Variants in KAZN observed in about 807,000 individuals in gnomAD.
KAZN encodes the protein kazrin.
KAZN carries 40 observed loss-of-function variants against 87.4 expected under a neutral mutation model. The observed-to-expected ratio is 0.46, with a 90% CI of 0.36 to 0.60. KAZN has a LOEUF of 0.60. KAZN is among the 20% of genes least tolerant of loss of function. KAZN has a pLI of 0.00. For missense variants in KAZN, 898 were observed against 1,073.9 expected (o/e 0.84, Z 2.29); for synonymous variants, 466 against 458.3 (o/e 1.02, Z -0.22).
At chr1:14,783,977 A>C (rs1472385794) in intron 1 of KAZN, among the ~76,000 whole-genome samples, 2 of 152,148 alleles carry the variant, frequency 1.3e-5, no homozygotes, top group Admixed American at 1.3e-4. Flanking sequence ...GACCCCTAAG[A>C]AGGGTTGTAC....
intron 1 of KAZN, among the ~76,000 whole-genome samples, chr1:14,028,643 C>G (rs138763551): frequency 1.7e-3 from 265 of 152,212 alleles, no homozygotes; most frequent in African/African-American, 6.2e-3. Context: ...TTATGAAGAC[C>G]TCTTTTGACT....
chr1:14,839,201 G>T (rs1297001143), intron 1 of KAZN, among the ~76,000 whole-genome samples: 1 of 152,140 alleles, frequency 6.6e-6, no homozygotes, highest in African/African-American at 2.4e-5. Context: ...AGGCTGTGTA[G>T]GATAGTGATT....
intron 2 of KAZN, among the ~76,000 whole-genome samples, chr1:14,368,775 G>A (rs1440430147): frequency 6.6e-6 from 1 of 152,172 alleles, no homozygotes. Context: ...AGTGTCTAAA[G>A]CAACTCACTC....
At chr1:14,795,196 A>G (rs1337177899) in intron 1 of KAZN, among the ~76,000 whole-genome samples, 1 of 152,070 alleles carries the variant, frequency 6.6e-6, no homozygotes, top group Non-Finnish European at 1.5e-5. Flanking sequence ...CGTTCTCCTA[A>G]TAAGTTCCCC....
rs542731548 is a variant in KAZN at position 15,082,731 on chromosome 1, C to T, written c.1223-11449C>T. 7.9e-5 allele frequency among the ~76,000 whole-genome samples: 12 copies of T among 152,326 alleles called. No individual in the cohort carries two copies. The South Asian group carries it at 2.5e-3, about 32-fold the overall frequency. Reference sequence around the variant, plus strand: ...TGTTTGAGACGGAGTCTCGCTCTGTCGCTCAGGCTAGAGTGCAGTGGCATG... The same window carrying T: ...TGTTTGAGACGGAGTCTCGCTCTGTTGCTCAGGCTAGAGTGCAGTGGCATG... On this transcript the variant is annotated intron_variant, in intron 8 of 14. Transcript: ENST00000376030.
chr1:14,823,415 T>C (rs1056921195), intron 1 of KAZN, among the ~76,000 whole-genome samples: 5 of 151,792 alleles, frequency 3.3e-5, no homozygotes, highest in Non-Finnish European at 7.4e-5. Flanking sequence ...AATATGGAGA[T>C]TGAAGAGAGT....
At chr1:14,825,186 G>T (rs1034028368) in intron 1 of KAZN, among the ~76,000 whole-genome samples, 6 of 152,224 alleles carry the variant, frequency 3.9e-5, no homozygotes, top group Non-Finnish European at 5.9e-5. Context: ...GACCATCCCT[G>T]AGGCCGCGAA....
chr1:14,379,574 G>A (rs921520632), intron 2 of KAZN, among the ~76,000 whole-genome samples: 2 of 152,100 alleles, frequency 1.3e-5, no homozygotes, highest in Non-Finnish European at 2.9e-5. Flanking sequence ...AGAGCCATTG[G>A]ACCTTAAGGG....
At chr1:14,727,961 G>A (rs546675369) in intron 1 of KAZN, among the ~76,000 whole-genome samples, 4 of 152,006 alleles carry the variant, frequency 2.6e-5, no homozygotes, top group East Asian at 2.0e-4. Flanking sequence ...CCTCATATGC[G>A]CAGTTCGCAA....
chr1:15,019,566 T>C (rs1156596466), intron 2 of KAZN, among the ~76,000 whole-genome samples: 1 of 152,064 alleles, frequency 6.6e-6, no homozygotes, highest in East Asian at 1.9e-4. Context: ...TTTTTGTATT[T>C]TTAGTAGAGA....
chr1:13,948,359 C>T (rs565024110), intron 1 of KAZN, among the ~76,000 whole-genome samples: 22 of 152,260 alleles, frequency 1.4e-4, no homozygotes, highest in African/African-American at 4.8e-4. Flanking sequence ...ATCAAGTTCT[C>T]ACAAGATCTG....
In KAZN at chr1:14,697,152, AAAAAAG is replaced by A. The variant is rs796735919; in HGVS notation, c.226+97934_226+97939del. 6.6e-4 allele frequency among the ~76,000 whole-genome samples: 86 copies of A among 130,600 alleles called. 1 individual carries two copies. The South Asian group carries it at 0.018, about 27-fold the overall frequency. 85.7% of individuals were successfully genotyped at this position (130,600 alleles called of 152,430 possible). On this transcript the variant is annotated intron_variant, in intron 1 of 14. Coordinates refer to ENST00000376030, the MANE Select transcript of KAZN (RefSeq NM_201628.3). ...ACAAACAAACCAACAAAAAAAAAAAAAAAAAGAAAAGAAAAGAAAAGAAATAATTGA... is the reference window on the plus strand; with the variant it reads ...ACAAACAAACCAACAAAAAAAAAAAAAAAAGAAAAGAAAAGAAATAATTGA...
chr1:14,274,846 T>C (rs1652224484), intron 2 of KAZN, among the ~76,000 whole-genome samples: 1 of 152,118 alleles, frequency 6.6e-6, no homozygotes, highest in Non-Finnish European at 1.5e-5. Flanking sequence ...ATTTCTTTTT[T>C]TTTTCTTTTT....
chr1:13,970,345 A>C (rs1165649619), intron 1 of KAZN, among the ~76,000 whole-genome samples: 3 of 152,204 alleles, frequency 2.0e-5, no homozygotes, highest in African/African-American at 7.2e-5. Flanking sequence ...TGCTGAGCCC[A>C]TCTGTACTTT....
At chr1:14,271,075 G>T (rs928268877) in intron 2 of KAZN, among the ~76,000 whole-genome samples, 4 of 152,188 alleles carry the variant, frequency 2.6e-5, no homozygotes, top group Non-Finnish European at 5.9e-5. Flanking sequence ...GTCCAGCAGG[G>T]TTGGCTACTC....
chr1:14,792,895 G>T (rs1645718464), intron 1 of KAZN, among the ~76,000 whole-genome samples: 1 of 150,180 alleles, frequency 6.7e-6, no homozygotes, highest in African/African-American at 2.5e-5. Context: ...AGAATAGCTT[G>T]AACCCAGGAG....
At chr1:14,742,667 A>G (rs1172447006) in intron 1 of KAZN, among the ~76,000 whole-genome samples, 1 of 152,162 alleles carries the variant, frequency 6.6e-6, no homozygotes, top group South Asian at 2.1e-4. Flanking sequence ...GTCAGCTCCA[A>G]TGATGTTTCT....
chr1:14,361,056 C>T (rs189331249), intron 2 of KAZN, among the ~76,000 whole-genome samples: 2 of 152,324 alleles, frequency 1.3e-5, no homozygotes, highest in Non-Finnish European at 2.9e-5. Flanking sequence ...GCCCCAGGTG[C>T]TCTGTCCCAC....
chr1:14,126,719 C>T (rs1644877905), intron 1 of KAZN, among the ~76,000 whole-genome samples: 1 of 152,162 alleles, frequency 6.6e-6, no homozygotes, highest in African/African-American at 2.4e-5. Flanking sequence ...GTCAATCAAC[C>T]TTGGGTCTTC....
Sources: gnomAD v4.1 joint callset for allele counts (sites outside exome capture counted in the v4.1 genomes callset) on GRCh38, gnomAD v4.1.1 for gene constraint, MANE v1.5 for transcripts, NCBI Gene and HGNC (gene_info 2026-07-23, HGNC 2026-07-21) for gene names.